The following ELFN2 variants were observed in gnomAD, a reference collection of about 807,000 sequenced individuals.
ELFN2 encodes the protein extracellular leucine rich repeat and fibronectin type III domain containing 2.
In ELFN2, 17 loss-of-function variants were observed where a neutral mutation model predicts 45.5. That is an observed-to-expected ratio of 0.37 (90% CI 0.26 to 0.56). The LOEUF is 0.56. Among genes scored for constraint, ELFN2 ranks in the 20% least tolerant of loss-of-function variants. The pLI is 0.77. For missense variants in ELFN2, 922 were observed against 1,183.2 expected (o/e 0.78, Z 3.24); for synonymous variants, 550 against 551.5 (o/e 1.00, Z 0.04).
At chr22:37,377,571 G>T (rs954508441) in intron 2 of ELFN2, among the ~76,000 whole-genome samples, 2 of 152,274 alleles carry the variant, frequency 1.3e-5, no homozygotes, top group African/African-American at 4.8e-5. Context: ...AAAGGGAAAT[G>T]GGTGAGGGGT....
chr22:37,358,175 G>A lies in ELFN2; in HGVS notation n.149-15472C>T, dbSNP rs572643978. 6.0e-4 allele frequency among the ~76,000 whole-genome samples: 92 copies of A among 152,168 alleles called. 2 individuals are homozygous for A. The South Asian group carries it at 0.015, about 25-fold the overall frequency. On this transcript the variant is annotated intron_variant and non_coding_transcript_variant, in intron 1 of 2. Transcript: ENST00000452946. ...CCTCACCTCCCCCAGGCCAGACCCC[G>A]TGATCCTATTCACATGGCCCACGGC...
chr22:37,343,990 C>A (rs1203784035), intron 1 of ELFN2, among the ~76,000 whole-genome samples: 1 of 151,446 alleles, frequency 6.6e-6, no homozygotes, highest in Non-Finnish European at 1.5e-5. Context: ...CAGCACTGCT[C>A]GCCCACCTGC....
chr22:37,352,985 A>G (rs1239854095), intron 1 of ELFN2: 1 of 151,170 alleles, frequency 6.6e-6, no homozygotes, highest in East Asian at 1.9e-4. Flanking sequence ...AAATGGCTGC[A>G]TAGAAAGGCA....
At chr22:37,345,546 TC>T (rs1742033199) in intron 1 of ELFN2, among the ~76,000 whole-genome samples, 1 of 118,018 alleles carries the variant, frequency 8.5e-6, no homozygotes, top group Non-Finnish European at 1.7e-5. Flanking sequence ...TTTGTTGTTG[TC>T]TTTTTTTTTT....
At chr22:37,398,832 T>C (rs1206390574) in intron 2 of ELFN2, among the ~76,000 whole-genome samples, 4 of 151,976 alleles carry the variant, frequency 2.6e-5, no homozygotes, top group Non-Finnish European at 5.9e-5. Context: ...CCTAGGCTCC[T>C]CCCTTGCTTG....
chr22:37,415,437 A>G, intron 2 of ELFN2, among the ~76,000 whole-genome samples: 1 of 152,188 alleles, frequency 6.6e-6, no homozygotes, highest in Admixed American at 6.5e-5. Flanking sequence ...CAGGCAGGAG[A>G]GGAGCACCAG....
At chr22:37,426,123 G>C (rs1481837260) in intron 1 of ELFN2, among the ~76,000 whole-genome samples, 4 of 151,676 alleles carry the variant, frequency 2.6e-5, no homozygotes, top group Non-Finnish European at 5.9e-5. Context: ...AAGGGACCAA[G>C]GCAGTGCCCT....
Position 37,373,119 on chromosome 22 carries a change from C to T in ELFN2, c.2416G>A (p.Asp806Asn). 1 of 1,610,600 alleles carries T rather than the reference C, an allele frequency of 6.2e-7. No homozygotes were observed. The highest frequency in any genetic ancestry group is 2.2e-5 in the East Asian group (1 of 44,762). Reference protein sequence around the residue: ...VQFAKDEDLHDILDYWKGVSA... With the variant: ...VQFAKDEDLHNILDYWKGVSA... ...ACCCCCTTCCAGTAATCAAGGATGT[C>T]ATGCAGATCCTCGTCCTTGGCGAAC... Residue 806 changes from aspartate to asparagine, a missense_variant, in exon 3 of 3, where the codon GAC becomes AAC. Around this residue, in one of 2 missense-constraint regions of ELFN2, gnomAD observed 564 missense variants for 642.8 expected, o/e 0.88. Coordinates refer to ENST00000402918, the MANE Select transcript of ELFN2 (RefSeq NM_052906.5).
intron 2 of ELFN2, among the ~76,000 whole-genome samples, chr22:37,408,010 A>G (rs2145678852): frequency 6.6e-6 from 1 of 152,328 alleles, no homozygotes; most frequent in Non-Finnish European, 1.5e-5. Context: ...TGTTTCATGC[A>G]CACAGCGCGG....
chr22:37,344,874 C>T (rs1475713513), intron 1 of ELFN2, among the ~76,000 whole-genome samples: 2 of 152,198 alleles, frequency 1.3e-5, no homozygotes, highest in Non-Finnish European at 2.9e-5. Context: ...GCGAGCTCCC[C>T]CAATGGGCAT....
intron 1 of ELFN2, among the ~76,000 whole-genome samples, chr22:37,418,542 CAT>C (rs1932783627): frequency 6.6e-6 from 1 of 151,958 alleles, no homozygotes; most frequent in East Asian, 1.9e-4. Flanking sequence ...CATGGTCACA[CAT>C]GTCACACCCA....
chr22:37,345,705 G>A (rs544870914), intron 1 of ELFN2, among the ~76,000 whole-genome samples: 11 of 152,116 alleles, frequency 7.2e-5, no homozygotes, highest in African/African-American at 2.2e-4. Flanking sequence ...GTGCCACCAC[G>A]CCCAGCTAAT....
At chr22:37,350,070 G>A (rs1272629161) in intron 1 of ELFN2, among the ~76,000 whole-genome samples, 6 of 151,044 alleles carry the variant, frequency 4.0e-5, no homozygotes, top group Admixed American at 2.0e-4. Flanking sequence ...GCTGTGGTAC[G>A]CAGAGGGCTG....
At chr22:37,386,636 G>A (rs1463354806) in intron 2 of ELFN2, among the ~76,000 whole-genome samples, 1 of 152,226 alleles carries the variant, frequency 6.6e-6, no homozygotes, top group Non-Finnish European at 1.5e-5. Flanking sequence ...GCCTGCAGCT[G>A]CAGCAGCAGA....
rs766794867 is a variant in ELFN2 at position 37,373,372 on chromosome 22, G to C, written c.2163C>G (p.Ala721=). 2 of 1,612,142 alleles carry C rather than the reference G, an allele frequency of 1.2e-6. No individual in the cohort carries two copies. The highest frequency in any genetic ancestry group is 3.3e-5 in the Admixed American group (2 of 59,866). Residue 721 remains alanine (A), a synonymous_variant, in exon 3 of 3, where the codon GCC becomes GCG. Transcript: ENST00000402918. ...AGGACACGCGCTGGCTCAGGCTGTC[G>C]GCACCCTCCTCGTAGTACAGGGCGG... ...SFPALYYEEG[A]DSLSQRVSFL...
chr22:37,398,390 G>T (rs1932274383), intron 2 of ELFN2, among the ~76,000 whole-genome samples: 1 of 152,054 alleles, frequency 6.6e-6, no homozygotes, highest in South Asian at 2.1e-4. Flanking sequence ...CTTCCAGAAA[G>T]CAAACCTCTC....
rs1268222613 is a variant in ELFN2, at chr22:37,425,514, C to G, written c.-614+1784G>C. ...TCGGCCACACACACTCCCGTGACATCACATTTACACACTCTGGCTGGGGGG... is the reference window on the plus strand; with the variant it reads ...TCGGCCACACACACTCCCGTGACATGACATTTACACACTCTGGCTGGGGGG... On this transcript the variant is annotated intron_variant, in intron 1 of 2. Coordinates refer to ENST00000402918, the MANE Select transcript of ELFN2 (RefSeq NM_052906.5). Among the ~76,000 whole-genome samples, 11 of 152,046 alleles carry G rather than the reference C, an allele frequency of 7.2e-5. No homozygotes were observed. In the East Asian group the frequency reaches 1.9e-3, roughly 27 times the overall value.
chr22:37,394,050 G>A (rs1391046696), intron 2 of ELFN2, among the ~76,000 whole-genome samples: 2 of 152,202 alleles, frequency 1.3e-5, no homozygotes, highest in Non-Finnish European at 2.9e-5. Context: ...CACAGGCCCA[G>A]CTGCCACCTC....
In ELFN2 at chr22:37,374,397, G is replaced by T. The variant is rs527515286; in HGVS notation, c.1138C>A (p.Arg380=). 1 of 1,613,864 alleles carries T rather than the reference G, an allele frequency of 6.2e-7. No homozygotes were observed. The highest frequency in any genetic ancestry group is 1.3e-5 in the African/African-American group (1 of 75,066). The change falls in exon 3 of 3, where the codon CGG becomes AGG. Residue 380 remains arginine, a synonymous_variant. Transcript: ENST00000402918. ...FNHTCLTFTT[R]DPVPGDLAPS... ...GCCAAGTCTCCGGGGACGGGGTCCC[G>T]CGTGGTGAAGGTCAGGCAGGTGTGG...
Sources: gnomAD v4.1 joint callset for allele counts (sites outside exome capture counted in the v4.1 genomes callset) on GRCh38, gnomAD v4.1.1 for gene constraint, gnomAD v4.1.1 regional missense constraint, MANE v1.5 for transcripts, NCBI Gene and HGNC (gene_info 2026-07-23, HGNC 2026-07-21) for gene names.